MEGF9: variants seen among roughly 807,000 people sequenced by gnomAD.
MEGF9 encodes multiple EGF like domains 9, also known as multiple epidermal growth factor-like domains protein 9.
A neutral mutation model predicts 46.8 loss-of-function variants in MEGF9; 6 were observed. The observed-to-expected ratio is 0.13, with a 90% CI of 0.07 to 0.25. MEGF9 has a LOEUF of 0.25. MEGF9 is among the 10% of genes least tolerant of loss of function. The pLI is 1.00. For synonymous variants in MEGF9, 302 were observed against 330.7 expected, an observed-to-expected ratio of 0.91 and a Z score of 0.94; for missense variants, 683 against 792.4, an observed-to-expected ratio of 0.86 and a Z score of 1.66.
At chr9:120,619,036 T>C (rs1461175276) in intron 3 of MEGF9, among the ~76,000 whole-genome samples, 1 of 152,164 alleles carries the variant, frequency 6.6e-6, no homozygotes, top group Non-Finnish European at 1.5e-5. Flanking sequence ...CTCATATTGC[T>C]ATATATCATT....
chr9:120,647,137 GA>G (rs1204475943), intron 2 of MEGF9, among the ~76,000 whole-genome samples: 1 of 150,450 alleles, frequency 6.6e-6, no homozygotes, highest in Admixed American at 6.6e-5. Context: ...CCGAGACCTG[GA>G]AAAAAGTTTT....
chr9:120,695,300 T>A (rs2043869848), intron 1 of MEGF9, among the ~76,000 whole-genome samples: 1 of 151,770 alleles, frequency 6.6e-6, no homozygotes, highest in South Asian at 2.1e-4. Context: ...AAAATAAGGG[T>A]CCTTAAAAAG....
rs2043431755 is a variant in MEGF9 at position 120,608,814 on chromosome 9, A to G, written c.1088-804T>C. ...CCAAAACACTGAGAATCATCTCTCA[A>G]TCCTCTTCCTCCATATGTCCCTTCT... On this transcript the variant is annotated intron_variant, in intron 4 of 5. Transcript: ENST00000373930. Among the ~76,000 whole-genome samples the G allele has an allele frequency of 2.6e-5, 4 of 152,274 alleles. No individual in the cohort carries two copies. In the South Asian group the frequency reaches 6.2e-4, roughly 24 times the overall value.
chr9:120,606,125 C>T (rs1451822143), intron 5 of MEGF9, among the ~76,000 whole-genome samples: 1 of 146,506 alleles, frequency 6.8e-6, no homozygotes, highest in African/African-American at 2.5e-5. Context: ...GAGCTGAGAT[C>T]ATGCCACTGC....
chr9:120,658,371 T>C (rs1053773859), intron 2 of MEGF9, among the ~76,000 whole-genome samples: 1 of 152,244 alleles, frequency 6.6e-6, no homozygotes, highest in Non-Finnish European at 1.5e-5. Flanking sequence ...AAATATTTAG[T>C]GCTAAAGTAT....
At chr9:120,674,941 C>T (rs970320039) in intron 1 of MEGF9, among the ~76,000 whole-genome samples, 111 of 150,828 alleles carry the variant, frequency 7.4e-4, no homozygotes, top group African/African-American at 2.5e-3. Context: ...TGCAGTGGCG[C>T]GATCTCGGCT....
chr9:120,605,807 AG>A lies in MEGF9; in HGVS notation c.1358-167del, dbSNP rs1341298707. Among the ~76,000 whole-genome samples the A allele has an allele frequency of 2.0e-5, 3 of 152,228 alleles. No homozygotes were observed. Among genetic ancestry groups the A allele is most frequent in the African/African-American group, 7.2e-5 (3 of 41,454 alleles). On this transcript the variant is annotated intron_variant, in intron 5 of 5. Transcript: ENST00000373930. The surrounding 1 kb of genome is among the most constrained non-coding windows in gnomAD (Gnocchi z 4.0). ...TAATGTTTAAAGAAATATAGTGATA[AG>A]GGTAAGAATCAGGGTCTAGAAAGCT...
In MEGF9 at chr9:120,695,603, C is replaced by CAAAAAAAA. The variant is rs370281228; in HGVS notation, c.601+18147_601+18154dup. 7.9e-3 allele frequency among the ~76,000 whole-genome samples: 148 copies of CAAAAAAAA among 18,666 alleles called. 19 individuals carry two copies. Among genetic ancestry groups the CAAAAAAAA allele is most frequent in the African/African-American group, 0.012 (103 of 8,262 alleles). 12.2% of individuals were successfully genotyped at this position (18,666 alleles called of 152,430 possible). On this transcript the variant is annotated intron_variant, in intron 1 of 5. Transcript: ENST00000373930. ...TGGGTGACAGTGTGAGACCCCATCT[C>CAAAAAAAA]AAAAAAAAAAAAAAAAAAAAAAAAA... is the stretch of plus-strand genomic sequence containing the variant.
intron 1 of MEGF9, among the ~76,000 whole-genome samples, chr9:120,679,097 T>C (rs10984978): frequency 0.73 from 110,695 of 152,058 alleles, 40,409 homozygotes; most frequent in African/African-American, 0.76. Context: ...ACTAGAAATA[T>C]CATTTGACCC....
intron 1 of MEGF9, among the ~76,000 whole-genome samples, chr9:120,702,135 G>A (rs1483437896): frequency 6.6e-6 from 1 of 152,162 alleles, no homozygotes; most frequent in East Asian, 1.9e-4. Flanking sequence ...AGCCTCTGCT[G>A]AAGGTCTCAG....
intron 1 of MEGF9, among the ~76,000 whole-genome samples, chr9:120,669,277 T>C (rs75667542): frequency 1.7e-3 from 265 of 152,280 alleles, no homozygotes; most frequent in African/African-American, 6.0e-3. Context: ...TTCTCCACAT[T>C]TCTCATAGTG....
chr9:120,616,469 G>A (rs1192259564), intron 3 of MEGF9, among the ~76,000 whole-genome samples: 1 of 151,964 alleles, frequency 6.6e-6, no homozygotes, highest in Non-Finnish European at 1.5e-5. Context: ...CACGAGGTCA[G>A]GAGATCAAGA....
rs1429050543 is a variant in MEGF9 at position 120,600,833 on chromosome 9, G to T, written c.*4357C>A. 2 of 152,586 alleles carry T rather than the reference G, an allele frequency of 1.3e-5. No individual in the cohort carries two copies. The highest frequency in any genetic ancestry group is 1.5e-5 in the Non-Finnish European group (1 of 68,016). 9.5% of individuals were successfully genotyped at this position (152,586 alleles called of 1,614,324 possible). A position where few individuals can be genotyped will look rare whatever the true frequency, so the allele number is the denominator to read the frequency against. ...AAATGAAGAGTTCAAAGATTTTTAT[G>T]AAGTGGGCTGAAAGTAAATGATCCT... On this transcript the variant is annotated 3_prime_UTR_variant, in exon 6 of 6. Coordinates refer to ENST00000373930, the MANE Select transcript of MEGF9 (RefSeq NM_001080497.3).
chr9:120,632,472 T>C (rs1167183981), intron 2 of MEGF9, among the ~76,000 whole-genome samples: 1 of 152,190 alleles, frequency 6.6e-6, no homozygotes, highest in Non-Finnish European at 1.5e-5. Context: ...ACTGAATTCA[T>C]TTATCAGTTC....
intron 2 of MEGF9, among the ~76,000 whole-genome samples, chr9:120,634,480 G>A (rs547644450): frequency 1.7e-4 from 3 of 18,144 alleles, no homozygotes; most frequent in Admixed American, 1.0e-3. Flanking sequence ...TTTTTGAGAC[G>A]GAGTCTCGCT....
At chr9:120,694,861 T>C (rs2132340037) in intron 1 of MEGF9, among the ~76,000 whole-genome samples, 1 of 152,320 alleles carries the variant, frequency 6.6e-6, no homozygotes, top group Non-Finnish European at 1.5e-5. Context: ...GTTTGTGGTC[T>C]AGTTGTATAT....
chr9:120,704,109 G>A lies in MEGF9; in HGVS notation c.601+9649C>T, dbSNP rs140325604. On this transcript the variant is annotated intron_variant, in intron 1 of 5. Transcript: ENST00000373930. ...AGCACTTTGGGAGGCCAAGGCGGGCGGATCACTTGAGGTCAGAAGTTCAAG... is the reference window on the plus strand; with the variant it reads ...AGCACTTTGGGAGGCCAAGGCGGGCAGATCACTTGAGGTCAGAAGTTCAAG... Among the ~76,000 whole-genome samples the A allele has an allele frequency of 8.8e-3, 1,338 of 152,242 alleles. 6 individuals are homozygous for A. Among genetic ancestry groups the A allele is most frequent in the Non-Finnish European group, 0.012 (831 of 68,016 alleles).
chr9:120,618,943 TC>T (rs1437521568), intron 3 of MEGF9, among the ~76,000 whole-genome samples: 7 of 152,050 alleles, frequency 4.6e-5, no homozygotes, highest in Admixed American at 2.0e-4. Flanking sequence ...TAATCTTTCC[TC>T]ATTTACAGGG....
intron 1 of MEGF9, among the ~76,000 whole-genome samples, chr9:120,667,416 AG>A (rs1172322872): frequency 6.6e-6 from 1 of 152,246 alleles, no homozygotes; most frequent in Non-Finnish European, 1.5e-5. Flanking sequence ...GAGGGAGAAG[AG>A]GAAAAAAATG....
Sources: allele counts gnomAD v4.1 joint callset (sites outside exome capture counted in the v4.1 genomes callset), GRCh38; gene constraint gnomAD v4.1.1; non-coding constraint Gnocchi (gnomAD v3.1); transcripts MANE v1.5; gene names NCBI Gene and HGNC (gene_info 2026-07-23, HGNC 2026-07-21).